The following PTPRG variants were observed in gnomAD, a reference collection of about 807,000 sequenced individuals.
The protein encoded by PTPRG is protein tyrosine phosphatase receptor type G, also known as receptor-type tyrosine-protein phosphatase gamma.
A neutral mutation model predicts 165.3 loss-of-function variants in PTPRG; 102 were observed. The observed-to-expected ratio is 0.62, with a 90% confidence interval of 0.53 to 0.73. The LOEUF (loss-of-function observed/expected upper bound fraction) is 0.73. Among genes scored for constraint, PTPRG ranks in the 30% least tolerant of loss-of-function variants. The probability of loss-of-function intolerance (pLI) is 0.00; values close to 1 mark genes in which losing one functional copy is unlikely to be tolerated. For missense variants in PTPRG, 1,866 were observed against 1,861.4 expected, an observed-to-expected ratio of 1.00 and a Z score of -0.05; for synonymous variants, 675 against 669.5, an observed-to-expected ratio of 1.01 and a Z score of -0.13.
chr3:62,094,125 A>T (rs1702032740), intron 5 of PTPRG, among the ~76,000 whole-genome samples: 2 of 152,156 alleles, frequency 1.3e-5, no homozygotes, highest in African/African-American at 4.8e-5. Context: ...ATATTCAATG[A>T]TTTGCCCAGG....
chr3:61,646,065 T>A (rs1253453215), intron 1 of PTPRG, among the ~76,000 whole-genome samples: 1 of 152,214 alleles, frequency 6.6e-6, no homozygotes, highest in East Asian at 1.9e-4. Context: ...GTAACTCTTT[T>A]GGATAAAATA....
At chr3:62,105,671 G>C (rs893942205) in intron 5 of PTPRG, among the ~76,000 whole-genome samples, 7 of 152,192 alleles carry the variant, frequency 4.6e-5, no homozygotes, top group African/African-American at 7.2e-5. Context: ...ACATATGCTA[G>C]AGCCACAATA....
In PTPRG at chr3:62,267,457, A is replaced by G; in HGVS notation, c.2704A>G (p.Lys902Glu). Reference sequence around the variant, plus strand: ...AAGACCTTTACCAGGAAAAGACTCTAAGCACAGCGACTACATTAATGCAAA... The same window carrying G: ...AAGACCTTTACCAGGAAAAGACTCTGAGCACAGCGACTACATTAATGCAAA... Reference protein sequence around the residue: ...KLRPLPGKDSKHSDYINANYV... With the variant: ...KLRPLPGKDSEHSDYINANYV... The change falls in exon 18 of 30, where the codon AAG (lysine) becomes GAG (glutamate). Residue 902 changes from lysine to glutamate, a missense_variant. Physicochemically the swap from Lys to Glu is moderately conservative, Grantham distance 56. Around this residue, in one of 3 missense-constraint regions of PTPRG, gnomAD observed 1,452 missense variants for 1,463.0 expected, o/e 0.99. Transcript: ENST00000474889. The G allele has an allele frequency of 6.2e-7, 1 of 1,612,150 alleles. No homozygotes were observed.
chr3:61,783,286 G>T lies in PTPRG; in HGVS notation c.190+34304G>T, dbSNP rs1333191675. 2.6e-5 allele frequency among the ~76,000 whole-genome samples: 4 copies of T among 152,186 alleles called. No individual in the cohort carries two copies. The East Asian group carries it at 7.7e-4, about 29-fold the overall frequency. On this transcript the variant is annotated intron_variant, in intron 2 of 29. Transcript: ENST00000474889. The stretch of plus-strand genomic sequence containing the variant: ...GCCCAGGAGGTTGAGGCAGCAATGA[G>T]CTGTGTTTGCACCACTGCACTCCAA...
intron 23 of PTPRG, among the ~76,000 whole-genome samples, chr3:62,274,218 T>C (rs1030925703): frequency 6.6e-6 from 1 of 152,288 alleles, no homozygotes; most frequent in Middle Eastern, 3.4e-3. Flanking sequence ...AGACATATTG[T>C]CCTAAAAATA....
intron 3 of PTPRG, among the ~76,000 whole-genome samples, chr3:62,001,610 ATATATTT>A (rs1559739411): frequency 6.6e-6 from 1 of 151,378 alleles, no homozygotes; most frequent in East Asian, 1.9e-4. Context: ...GTATATATAG[ATATATTT>A]TATATAAGAT....
At chr3:62,231,198 G>GTTC in intron 13 of PTPRG, 27 bp from the exon 14 acceptor site, 1 of 1,508,418 alleles carries the variant, frequency 6.6e-7, no homozygotes, top group Non-Finnish European at 8.9e-7. Context: ...TTCTACACCT[G>GTTC]TTCTCTTTTG....
chr3:61,727,123 A>C (rs2032297440), intron 1 of PTPRG, among the ~76,000 whole-genome samples: 2 of 151,662 alleles, frequency 1.3e-5, no homozygotes, highest in Admixed American at 6.6e-5. Context: ...TGAGTGCTGT[A>C]GTTTTGAATG....
chr3:62,014,324 C>T (rs943537342), intron 4 of PTPRG, among the ~76,000 whole-genome samples: 3 of 152,084 alleles, frequency 2.0e-5, no homozygotes, highest in Non-Finnish European at 2.9e-5. Flanking sequence ...GCTCTGGATA[C>T]GTTTACTGTG....
At chr3:62,201,393 A>G (rs1409753199) in intron 10 of PTPRG, 112 bp from the exon 11 acceptor site, 1 of 860,252 alleles carries the variant, frequency 1.2e-6, no homozygotes. Flanking sequence ...CTACAGAATA[A>G]TATTTTGACA....
At chr3:61,630,295 C>G (rs142174726) in intron 1 of PTPRG, among the ~76,000 whole-genome samples, 83 of 152,292 alleles carry the variant, frequency 5.5e-4, no homozygotes, top group Non-Finnish European at 9.7e-4. Context: ...AATTCCTTCT[C>G]AAGGAGTTGA....
chr3:61,825,747 C>G (rs1358635992), intron 2 of PTPRG, among the ~76,000 whole-genome samples: 2 of 149,952 alleles, frequency 1.3e-5, no homozygotes, highest in African/African-American at 4.9e-5. Context: ...TGGGCTCATG[C>G]CATTCTCCCT....
rs1217520497 is a variant in PTPRG, at chr3:62,294,835, G to T, written c.*1528G>T. On this transcript the variant is annotated 3_prime_UTR_variant, in exon 30 of 30. Coordinates refer to ENST00000474889, the MANE Select transcript of PTPRG (RefSeq NM_002841.4). ...TTATGTCAATTAACTTCAACAAAAA[G>T]GCCACGCTGGCTGCTGTCATGCCAT... The T allele has an allele frequency of 6.6e-6, 1 of 152,038 alleles. No homozygotes were observed. The highest frequency in any genetic ancestry group is 2.4e-5 in the African/African-American group (1 of 41,404). The allele number at this position is 152,038 out of a possible 1,614,324, so 9.4% of individuals were successfully genotyped here. A position where few individuals can be genotyped will look rare whatever the true frequency, so the allele number is the denominator to read the frequency against.
In PTPRG at chr3:62,252,859, C is replaced by A. The variant is rs1183016740; in HGVS notation, c.2468-2265C>A. On this transcript the variant is annotated intron_variant, in intron 15 of 29. Transcript: ENST00000474889. This position sits in a 1 kb window ranked among gnomAD's most constrained non-coding sequence, Gnocchi z 4.6. ...GTACAGCATGCATCTGTATGTATGTCCGCCTGTCTGGTACTTTTGTGACAT... is the reference window on the plus strand; with the variant it reads ...GTACAGCATGCATCTGTATGTATGTACGCCTGTCTGGTACTTTTGTGACAT... Among the ~76,000 whole-genome samples, 1 of 152,126 alleles carries A rather than the reference C, an allele frequency of 6.6e-6. No homozygotes were observed. The highest frequency in any genetic ancestry group is 1.5e-5 in the Non-Finnish European group (1 of 68,030).
chr3:61,744,785 T>C (rs922993933), intron 1 of PTPRG, among the ~76,000 whole-genome samples: 5 of 152,056 alleles, frequency 3.3e-5, no homozygotes, highest in African/African-American at 9.7e-5. Context: ...GCCCTGTTCA[T>C]TTCTGAACAA....
chr3:61,582,965 A>T (rs896834207), intron 1 of PTPRG, among the ~76,000 whole-genome samples: 1 of 152,196 alleles, frequency 6.6e-6, no homozygotes, highest in South Asian at 2.1e-4. Context: ...ATGAGATAAG[A>T]TACCTTCCTA....
At chr3:61,673,684 G>T (rs1703112539) in intron 1 of PTPRG, among the ~76,000 whole-genome samples, 1 of 152,058 alleles carries the variant, frequency 6.6e-6, no homozygotes, top group Admixed American at 6.6e-5. Flanking sequence ...GACTTTTAGG[G>T]TATCCACCAC....
chr3:61,801,316 T>C (rs545082697), intron 2 of PTPRG, among the ~76,000 whole-genome samples: 11 of 151,864 alleles, frequency 7.2e-5, no homozygotes, highest in Admixed American at 3.3e-4. Flanking sequence ...GTGTAATTTT[T>C]TTTTTTTTTT....
chr3:62,106,610 C>T (rs1330142124), intron 5 of PTPRG, among the ~76,000 whole-genome samples: 1 of 151,872 alleles, frequency 6.6e-6, no homozygotes, highest in South Asian at 2.1e-4. Context: ...TCTAGCAGTC[C>T]TCCCACACCA....
Sources: gnomAD v4.1 joint callset for allele counts (sites outside exome capture counted in the v4.1 genomes callset) on GRCh38, gnomAD v4.1.1 for gene constraint, gnomAD v4.1.1 regional missense constraint, Gnocchi (gnomAD v3.1) non-coding constraint, MANE v1.5 for transcripts, NCBI Gene and HGNC (gene_info 2026-07-23, HGNC 2026-07-21) for gene names.